NCKAP5: variants seen among roughly 807,000 people sequenced by gnomAD.
NCKAP5 encodes NCK associated protein 5, also known as nck-associated protein 5.
In NCKAP5, 92 loss-of-function variants were observed where a neutral mutation model predicts 167.0. The ratio of observed to expected loss-of-function variants is 0.55; its 90% CI spans 0.47 to 0.66. The LOEUF is 0.66. NCKAP5 is among the 30% of genes least tolerant of loss of function. NCKAP5 has a pLI of 0.00. For missense variants in NCKAP5, 2,378 were observed against 2,315.0 expected (o/e 1.03, Z -0.56); for synonymous variants, 891 against 877.4 (o/e 1.02, Z -0.27).
intron 4 of NCKAP5, among the ~76,000 whole-genome samples, chr2:133,256,892 T>G (rs1481224488): frequency 6.6e-6 from 1 of 152,174 alleles, no homozygotes; most frequent in Non-Finnish European, 1.5e-5. Context: ...CATTTAATCT[T>G]GGCTAGTCAA....
rs145622490 is a variant in NCKAP5 at position 133,009,589 on chromosome 2, A to T, written c.342-15350T>A. Reference sequence around the variant, plus strand: ...CATTCATGTATCCCCTCATCCATTTATCTGTTCCTCTATTTGATAATCATC... The same window carrying T: ...CATTCATGTATCCCCTCATCCATTTTTCTGTTCCTCTATTTGATAATCATC... On this transcript the variant is annotated intron_variant, in intron 6 of 19. Transcript: ENST00000409261. Among the ~76,000 whole-genome samples, 607 of 152,280 alleles carry T rather than the reference A, an allele frequency of 4.0e-3. 4 individuals carry two copies. Among genetic ancestry groups the T allele is most frequent in the African/African-American group, 0.014 (573 of 41,568 alleles).
chr2:133,225,427 G>A (rs1368757704), intron 4 of NCKAP5, among the ~76,000 whole-genome samples: 1 of 152,168 alleles, frequency 6.6e-6, no homozygotes, highest in Non-Finnish European at 1.5e-5. Context: ...TCTGTGAGGA[G>A]GCTTGAGCCA....
chr2:133,125,598 A>G (rs1439853020), intron 6 of NCKAP5, among the ~76,000 whole-genome samples: 1 of 152,186 alleles, frequency 6.6e-6, no homozygotes, highest in African/African-American at 2.4e-5. Context: ...AGCACCTTTG[A>G]TGTATATTGC....
chr2:133,547,363 G>A (rs1686816643), intron 2 of NCKAP5, among the ~76,000 whole-genome samples: 1 of 152,052 alleles, frequency 6.6e-6, no homozygotes, highest in Non-Finnish European at 1.5e-5. Flanking sequence ...GCTCGAACTG[G>A]GTGGAGCCCA....
At chr2:133,137,017 G>T (rs1487974551) in intron 5 of NCKAP5, among the ~76,000 whole-genome samples, 1 of 152,164 alleles carries the variant, frequency 6.6e-6, no homozygotes, top group Non-Finnish European at 1.5e-5. Flanking sequence ...ATGTCTTCAT[G>T]AAAACTAGTT....
At chr2:133,123,664 C>A in intron 6 of NCKAP5, 1 of 408,818 alleles carries the variant, frequency 2.4e-6, no homozygotes. Context: ...CTCAGGAGAG[C>A]CAGCCTCTGA....
chr2:133,466,145 C>T lies in NCKAP5; in HGVS notation c.69+51313G>A, dbSNP rs1165992068. On this transcript the variant is annotated intron_variant, in intron 3 of 19. Coordinates refer to ENST00000409261, the MANE Select transcript of NCKAP5 (RefSeq NM_207363.3). ...TTCTAGGGTTTTTATGGTTTTAGGT[C>T]TAACGTTTAAGTCTTTAATCCATCT... is the stretch of plus-strand genomic sequence containing the variant. Among the ~76,000 whole-genome samples the T allele has an allele frequency of 1.1e-3, 164 of 143,332 alleles. 1 individual carries two copies. The highest frequency in any genetic ancestry group is 7.2e-3 in the Middle Eastern group (2 of 278). 94.0% of individuals were successfully genotyped at this position (143,332 alleles called of 152,430 possible). A position where few individuals can be genotyped will look rare whatever the true frequency, so the allele number is the denominator to read the frequency against.
At chr2:132,846,981 G>A (rs536547478) in intron 11 of NCKAP5, among the ~76,000 whole-genome samples, 20 of 152,072 alleles carry the variant, frequency 1.3e-4, no homozygotes, top group South Asian at 6.2e-4. Flanking sequence ...TTAAATATTC[G>A]TGTATTTTAT....
At chr2:132,949,790 G>C (rs1049320528) in intron 8 of NCKAP5, among the ~76,000 whole-genome samples, 2 of 152,150 alleles carry the variant, frequency 1.3e-5, no homozygotes, top group Non-Finnish European at 2.9e-5. Flanking sequence ...AGGTGAACAT[G>C]GAATAAATAC....
At chr2:133,419,478 T>A (rs898017550) in intron 3 of NCKAP5, among the ~76,000 whole-genome samples, 3 of 152,198 alleles carry the variant, frequency 2.0e-5, no homozygotes, top group Non-Finnish European at 2.9e-5. Context: ...CATGGTTAGG[T>A]GAGCCATGTA....
intron 3 of NCKAP5, among the ~76,000 whole-genome samples, chr2:133,471,150 C>T (rs1193388415): frequency 6.6e-6 from 1 of 152,118 alleles, no homozygotes; most frequent in Non-Finnish European, 1.5e-5. Context: ...GCTCAATTGT[C>T]AGCTCTTTAA....
At chr2:133,547,077 G>A (rs1009345674) in intron 2 of NCKAP5, among the ~76,000 whole-genome samples, 3 of 152,174 alleles carry the variant, frequency 2.0e-5, no homozygotes, top group Admixed American at 2.0e-4. Context: ...AAGTGCAAGG[G>A]GTCACGGAGT....
chr2:133,498,681 C>T lies in NCKAP5; in HGVS notation c.69+18777G>A, dbSNP rs762117696. Among the ~76,000 whole-genome samples the T allele has an allele frequency of 1.3e-4, 19 of 151,812 alleles. No homozygotes were observed. The East Asian group carries it at 1.4e-3, about 11-fold the overall frequency. On this transcript the variant is annotated intron_variant, in intron 3 of 19. Transcript: ENST00000409261. Reference sequence around the variant, plus strand: ...GAAAGAAAAAAAAAGAAAAGAGAGACGCGGAGGGAGAGAGGGAGAGAAAGA... The same window carrying T: ...GAAAGAAAAAAAAAGAAAAGAGAGATGCGGAGGGAGAGAGGGAGAGAAAGA...
intron 16 of NCKAP5, among the ~76,000 whole-genome samples, chr2:132,758,588 C>G (rs1408769678): frequency 6.6e-6 from 1 of 152,130 alleles, no homozygotes. Flanking sequence ...TTTAGCTCCT[C>G]CTCTGACACC....
chr2:133,539,748 A>G lies in NCKAP5; in HGVS notation c.-62+19302T>C, dbSNP rs1477362833. ...CCACCTAGAATAAAGCACAGAGAGA[A>G]AAGTTGAAGAGAAAAAATATCCATT... is the stretch of plus-strand genomic sequence containing the variant. On this transcript the variant is annotated intron_variant, in intron 2 of 19. Transcript: ENST00000409261. 2.0e-5 allele frequency among the ~76,000 whole-genome samples: 3 copies of G among 152,232 alleles called. No homozygotes were observed. The East Asian group carries it at 5.8e-4, about 29-fold the overall frequency.
intron 7 of NCKAP5, among the ~76,000 whole-genome samples, chr2:132,983,200 T>C (rs2077190995): frequency 1.3e-5 from 2 of 152,136 alleles, no homozygotes; most frequent in Non-Finnish European, 2.9e-5. Context: ...GTTCCAGGAG[T>C]CTTTTGGCAG....
chr2:132,931,556 C>G (rs990353952), intron 8 of NCKAP5: 2 of 152,166 alleles, frequency 1.3e-5, no homozygotes, highest in African/African-American at 4.8e-5. Flanking sequence ...AACTTCCTTA[C>G]TTGTAAAATG....
At chr2:133,179,314 A>G (rs72985604) in intron 5 of NCKAP5, among the ~76,000 whole-genome samples, 6,867 of 152,024 alleles carry the variant, frequency 0.045, 488 homozygotes, top group African/African-American at 0.16. Flanking sequence ...AAATGCTCCA[A>G]CAAGCATTTC....
At chr2:133,664,675 T>C in the NCKAP5 span, among the ~76,000 whole-genome samples, 6 of 152,116 alleles carry the variant, frequency 3.9e-5, no homozygotes, top group Non-Finnish European at 8.8e-5. Flanking sequence ...AATTCTTGTA[T>C]TTTTAGTAGA....
Sources: gnomAD v4.1 joint callset for allele counts (sites outside exome capture counted in the v4.1 genomes callset) on GRCh38, gnomAD v4.1.1 for gene constraint, MANE v1.5 for transcripts, NCBI Gene and HGNC (gene_info 2026-07-23, HGNC 2026-07-21) for gene names.